The following FLT3 variants were observed in gnomAD, a reference collection of about 807,000 sequenced individuals.
FLT3 encodes the protein fms related receptor tyrosine kinase 3, also known as receptor-type tyrosine-protein kinase FLT3.
Under a neutral mutation model 126.6 loss-of-function variants are expected in FLT3, and 46 were observed. That is an observed-to-expected ratio of 0.36 (90% CI 0.29 to 0.46). The LOEUF is 0.46. Ranked by LOEUF, FLT3 falls within the 20% of genes least tolerant of loss-of-function variation. FLT3 has a pLI of 1.00. For missense variants in FLT3, 1,069 were observed against 1,190.3 expected (o/e 0.90, Z 1.50); for synonymous variants, 404 against 434.4 (o/e 0.93, Z 0.87).
At chr13:28,078,563 G>A (rs1047031745) in intron 1 of FLT3, among the ~76,000 whole-genome samples, 1 of 152,150 alleles carries the variant, frequency 6.6e-6, no homozygotes, top group African/African-American at 2.4e-5. Flanking sequence ...CTGGGCCTCT[G>A]GGCCTGTGAT....
intron 15 of FLT3, among the ~76,000 whole-genome samples, chr13:28,030,505 G>T (rs1255936120): frequency 1.3e-5 from 2 of 152,186 alleles, no homozygotes; most frequent in East Asian, 3.9e-4. Context: ...TGTCTTCCTG[G>T]ATCTTAGAGT....
At chr13:28,033,751 A>G in intron 15 of FLT3, 136 bp downstream of exon 15, 1 of 703,740 alleles carries the variant, frequency 1.4e-6, no homozygotes, top group Non-Finnish European at 2.5e-6. Flanking sequence ...TTGACACCCC[A>G]ATCCACTCCA....
At chr13:28,070,694 C>T (rs1455238804) in intron 1 of FLT3, 82 bp from the exon 2 acceptor site, 4 of 1,077,766 alleles carry the variant, frequency 3.7e-6, no homozygotes, top group Middle Eastern at 2.7e-4. Context: ...AACCAAACAA[C>T]AAAACAAAGT....
At position 28,048,291 on chromosome 13, in the gene FLT3, G is replaced by C; in HGVS notation, c.1189C>G (p.Leu397Val). Residue 397 changes from leucine to valine, a missense_variant, in exon 9 of 24, where the codon CTT (leucine) becomes GTT (valine). Transcript: ENST00000241453. ...TGGTCTCACCTGTATCCGTTATCAA[G>C]ACCCTTTTGCTCACAAGGAAATGAT... Reference protein sequence around the residue: ...RKSFPCEQKGLDNGYSISKFC... With the variant: ...RKSFPCEQKGVDNGYSISKFC... The C allele has an allele frequency of 6.2e-7, 1 of 1,613,608 alleles. No homozygotes were observed. The highest frequency in any genetic ancestry group is 8.5e-7 in the Non-Finnish European group (1 of 1,179,738).
In FLT3 at chr13:28,023,335, T is replaced by G; in HGVS notation, c.2418+15A>C. The G allele has an allele frequency of 6.3e-7, 1 of 1,594,302 alleles. No homozygotes were observed. Among genetic ancestry groups the G allele is most frequent in the Non-Finnish European group, 8.5e-7 (1 of 1,174,630 alleles). On this transcript the variant is annotated intron_variant, in intron 19 of 23. Coordinates refer to ENST00000241453, the MANE Select transcript of FLT3 (RefSeq NM_004119.3). ...ATCTTTTTTTTGGTTTGTTTTTTCT[T>G]TAAAAGGAGCATACCGACTTAAATT... is the stretch of plus-strand genomic sequence containing the variant.
chr13:28,096,041 C>T (rs540113362), intron 1 of FLT3, among the ~76,000 whole-genome samples: 12 of 152,278 alleles, frequency 7.9e-5, no homozygotes, highest in African/African-American at 2.6e-4. Context: ...GCATTAAATA[C>T]AGTACTATAT....
rs2137844315 is a variant in FLT3, at chr13:28,100,449, C to G, written c.43+19G>C. On this transcript the variant is annotated intron_variant, in intron 1 of 23. Coordinates refer to ENST00000241453, the MANE Select transcript of FLT3 (RefSeq NM_004119.3). The surrounding 1 kb of genome is among the most constrained non-coding windows in gnomAD (Gnocchi z 4.8). ...CTGAGGGACCGCGAGGGGCTGCGAGCGAGCGAGCGGGGCCTTACCGAGCAG... is the reference window on the plus strand; with the variant it reads ...CTGAGGGACCGCGAGGGGCTGCGAGGGAGCGAGCGGGGCCTTACCGAGCAG... 1 of 1,215,918 alleles carries G rather than the reference C, an allele frequency of 8.2e-7. No homozygotes were observed. Among genetic ancestry groups the G allele is most frequent in the Non-Finnish European group, 1.0e-6 (1 of 977,644 alleles). The allele number at this position is 1,215,918 out of a possible 1,614,324, so 75.3% of individuals were successfully genotyped here. A position where few individuals can be genotyped will look rare whatever the true frequency, so the allele number is the denominator to read the frequency against.
At chr13:28,066,848 G>C (rs1799971596) in intron 2 of FLT3, among the ~76,000 whole-genome samples, 2 of 152,094 alleles carry the variant, frequency 1.3e-5, no homozygotes, top group African/African-American at 4.8e-5. Flanking sequence ...GAAGGAACAG[G>C]ATATTTGCAT....
At chr13:28,061,776 A>G in intron 3 of FLT3, 91 bp downstream of exon 3, 1 of 1,039,732 alleles carries the variant, frequency 9.6e-7, no homozygotes, top group East Asian at 2.4e-5. Flanking sequence ...GACTCACAAA[A>G]AAAAAAGGTT....
At chr13:28,050,630 A>G (rs1367498857) in intron 5 of FLT3, among the ~76,000 whole-genome samples, 1 of 152,180 alleles carries the variant, frequency 6.6e-6, no homozygotes, top group Non-Finnish European at 1.5e-5. Flanking sequence ...TTTGGGACGC[A>G]GTAAGGGAGG....
At chr13:28,053,407 T>C (rs921383551) in intron 4 of FLT3, among the ~76,000 whole-genome samples, 6 of 150,564 alleles carry the variant, frequency 4.0e-5, no homozygotes, top group East Asian at 1.9e-4. Flanking sequence ...GATATATATA[T>C]ATATATATGA....
intron 4 of FLT3, among the ~76,000 whole-genome samples, chr13:28,053,815 A>AT (rs1875764850): frequency 6.7e-6 from 1 of 148,282 alleles, no homozygotes. Context: ...ATATATCATT[A>AT]TTTTTTCATT....
chr13:28,018,328 A>G (rs1233200181), intron 20 of FLT3, 139 bp downstream of exon 20: 3 of 910,416 alleles, frequency 3.3e-6, no homozygotes, highest in Non-Finnish European at 5.0e-6. Flanking sequence ...CCTTTTAAGC[A>G]TAAGTAAGCA....
At chr13:28,015,736 T>A (rs1001301663) in intron 20 of FLT3, 35 bp from the exon 21 acceptor site, 8 of 1,275,264 alleles carry the variant, frequency 6.3e-6, no homozygotes, top group Admixed American at 1.8e-5. Context: ...GATGGTGAAT[T>A]TTCCACATAC....
rs536762752 is a variant in FLT3 at position 28,037,001 on chromosome 13, T to C, written c.1309+184A>G. ...AAAAATGAAACAGAACAAAATAACA[T>C]AAAAAATAAAAAGATATATGATCAA... is the stretch of plus-strand genomic sequence containing the variant. On this transcript the variant is annotated intron_variant, in intron 10 of 23. Coordinates refer to ENST00000241453, the MANE Select transcript of FLT3 (RefSeq NM_004119.3). 2.6e-5 allele frequency among the ~76,000 whole-genome samples: 4 copies of C among 151,918 alleles called. No homozygotes were observed. The East Asian group carries it at 7.7e-4, about 29-fold the overall frequency.
At chr13:28,056,704 G>A (rs1485457840) in intron 4 of FLT3, among the ~76,000 whole-genome samples, 5 of 152,170 alleles carry the variant, frequency 3.3e-5, no homozygotes, top group Non-Finnish European at 5.9e-5. Context: ...GTGGGCCCGC[G>A]CTGTCCAACA....
chr13:28,015,180 C>G lies in FLT3; in HGVS notation c.2730G>C (p.Gln910His). 6.2e-7 allele frequency: 1 copy of G among 1,604,040 alleles called. No individual in the cohort carries two copies. The highest frequency in any genetic ancestry group is 8.5e-7 in the Non-Finnish European group (1 of 1,171,194). The change falls in exon 22 of 24, where the codon CAG (glutamine) becomes CAC (histidine). Residue 910 changes from glutamine (Q) to histidine (H), a missense_variant. Physicochemically the swap from Gln to His is conservative, Grantham distance 24 (BLOSUM62 0). Transcript: ENST00000241453. ...KLIQNGFKMD[Q>H]PFYATEEIYI... ...ACATTTCTTCTGTAGCATAAAATGGCTGATCCATTTTAAATCCATTTTGAA... is the reference window on the plus strand; with the variant it reads ...ACATTTCTTCTGTAGCATAAAATGGGTGATCCATTTTAAATCCATTTTGAA...
At position 28,026,639 on chromosome 13, in the gene FLT3, CGT is replaced by C. The variant is rs111815045; in HGVS notation, c.2207+447_2207+448del. Among the ~76,000 whole-genome samples the C allele has an allele frequency of 3.7e-3, 569 of 152,162 alleles. 4 individuals carry two copies. Among genetic ancestry groups the C allele is most frequent in the African/African-American group, 0.013 (529 of 41,436 alleles). Reference sequence around the variant, plus strand: ...CTGCTACTTTACTGTGTCCCCATCACGTGTCGATCAATCCATCCTAATATCTT... The same window carrying C: ...CTGCTACTTTACTGTGTCCCCATCACGTCGATCAATCCATCCTAATATCTT... On this transcript the variant is annotated intron_variant, in intron 17 of 23. Transcript: ENST00000241453.
intron 1 of FLT3, among the ~76,000 whole-genome samples, chr13:28,091,468 G>A (rs111437045): frequency 7.9e-5 from 12 of 151,160 alleles, no homozygotes; most frequent in East Asian, 5.9e-4. Flanking sequence ...TGATCCGCCC[G>A]CCTCGGCCTC....
Sources: allele counts gnomAD v4.1 joint callset (sites outside exome capture counted in the v4.1 genomes callset), GRCh38; gene constraint gnomAD v4.1.1; non-coding constraint Gnocchi (gnomAD v3.1); transcripts MANE v1.5; gene names NCBI Gene and HGNC (gene_info 2026-07-23, HGNC 2026-07-21).